Variants in CSRP3 observed in about 807,000 individuals in gnomAD.
CSRP3 encodes cysteine and glycine-rich protein 3.
CSRP3 carries 24 observed loss-of-function variants against 24.3 expected under a neutral mutation model. That is an observed-to-expected ratio of 0.99 (90% CI 0.71 to 1.39). CSRP3 has a LOEUF of 1.39. CSRP3 is among the 40% of genes most tolerant of loss of function. The probability of loss-of-function intolerance (pLI) is 0.00; values close to 1 mark genes in which losing one functional copy is unlikely to be tolerated. For missense variants in CSRP3, 240 were observed against 249.0 expected (o/e 0.96, Z 0.24); for synonymous variants, 105 against 94.0 (o/e 1.12, Z -0.68).
intron 1 of CSRP3, among the ~76,000 whole-genome samples, chr11:19,195,939 G>A (rs1850694748): frequency 6.6e-6 from 1 of 152,160 alleles, no homozygotes; most frequent in Admixed American, 6.5e-5. Flanking sequence ...AACAGAAGAT[G>A]TCTCACAGGC....
intron 1 of CSRP3, among the ~76,000 whole-genome samples, chr11:19,195,421 A>C (rs1850684995): frequency 6.6e-6 from 1 of 152,150 alleles, no homozygotes; most frequent in African/African-American, 2.4e-5. Context: ...AAGATGTTAC[A>C]TTTTCTAGAA....
intron 2 of CSRP3, among the ~76,000 whole-genome samples, chr11:19,190,703 C>T (rs553744044): frequency 2.1e-4 from 32 of 152,192 alleles, no homozygotes; most frequent in Non-Finnish European, 4.3e-4. Flanking sequence ...GACCCTGCGT[C>T]TCTGAACGCC....
chr11:19,191,741 G>A (rs939318268), intron 2 of CSRP3, among the ~76,000 whole-genome samples: 2 of 152,170 alleles, frequency 1.3e-5, no homozygotes, highest in Non-Finnish European at 2.9e-5. Flanking sequence ...AAGGTCTCAA[G>A]GTTCTCCCTA....
At chr11:19,197,363 T>G (rs1453927990) in intron 1 of CSRP3, among the ~76,000 whole-genome samples, 1 of 13,674 alleles carries the variant, frequency 7.3e-5, no homozygotes, top group African/African-American at 5.7e-4. Context: ...CCTCCCTCCC[T>G]CCCTCCCTCC....
chr11:19,195,110 C>G (rs1850677284), intron 1 of CSRP3, among the ~76,000 whole-genome samples: 1 of 151,826 alleles, frequency 6.6e-6, no homozygotes, highest in Admixed American at 6.6e-5. Flanking sequence ...AGATCACATT[C>G]AAATGGGGGT....
chr11:19,190,953 T>G (rs1178174906), intron 2 of CSRP3, among the ~76,000 whole-genome samples: 2 of 152,178 alleles, frequency 1.3e-5, no homozygotes, highest in Non-Finnish European at 2.9e-5. Context: ...TCCTCCTACC[T>G]GGGAAAGACA....
chr11:19,201,771 T>G (rs1850848157), intron 1 of CSRP3, among the ~76,000 whole-genome samples, 183 bp downstream of exon 1: 1 of 151,926 alleles, frequency 6.6e-6, no homozygotes, highest in Admixed American at 6.6e-5. Flanking sequence ...TTGCAGGAAT[T>G]TTTTAATACC....
chr11:19,194,925 T>C (rs1290006723), intron 1 of CSRP3, among the ~76,000 whole-genome samples: 1 of 152,100 alleles, frequency 6.6e-6, no homozygotes, highest in Non-Finnish European at 1.5e-5. Context: ...AATGAGTAGT[T>C]TGTGACCCCT....
chr11:19,200,308 C>T (rs564100425), intron 1 of CSRP3, among the ~76,000 whole-genome samples: 50 of 152,280 alleles, frequency 3.3e-4, no homozygotes, highest in South Asian at 1.5e-3. Flanking sequence ...ATAATTTGAA[C>T]GGGCTCTATA....
At chr11:19,197,672 A>C (rs1850764352) in intron 1 of CSRP3, among the ~76,000 whole-genome samples, 1 of 151,242 alleles carries the variant, frequency 6.6e-6, no homozygotes, top group South Asian at 2.1e-4. Context: ...TTAGGCCATG[A>C]CTTTGGGCAG....
At chr11:19,186,821 C>G (rs898221234) in intron 3 of CSRP3, among the ~76,000 whole-genome samples, 34 of 152,366 alleles carry the variant, frequency 2.2e-4, no homozygotes, top group African/African-American at 8.2e-4. Context: ...AGTCCATGAG[C>G]TGATGCATTC....
At chr11:19,183,741 T>A (rs1367994387) in intron 5 of CSRP3, among the ~76,000 whole-genome samples, 1 of 152,212 alleles carries the variant, frequency 6.6e-6, no homozygotes, top group African/African-American at 2.4e-5. Flanking sequence ...AGTGAGCTAG[T>A]TCCCATCCTG....
chr11:19,188,014 G>C, intron 3 of CSRP3, 122 bp downstream of exon 3: 20 of 1,148,696 alleles, frequency 1.7e-5, no homozygotes, highest in Non-Finnish European at 2.6e-5. Flanking sequence ...TATTCCTATT[G>C]TTGGCAAGTC....
In CSRP3 at chr11:19,198,406, C is replaced by T. The variant is rs115155564; in HGVS notation, c.-29+3548G>A. On this transcript the variant is annotated intron_variant, in intron 1 of 5. Coordinates refer to ENST00000265968, the MANE Select transcript of CSRP3 (RefSeq NM_003476.5). ...ACACAGAGGGTATTCAAGGGTGGGA[C>T]TAACAGGGAAACTGAATTCATTCAC... Among the ~76,000 whole-genome samples the T allele has an allele frequency of 4.8e-3, 725 of 152,298 alleles. 9 individuals are homozygous for T. Among genetic ancestry groups the T allele is most frequent in the African/African-American group, 0.016 (660 of 41,542 alleles).
At chr11:19,194,794 C>T (rs1423785412) in intron 1 of CSRP3, among the ~76,000 whole-genome samples, 1 of 152,160 alleles carries the variant, frequency 6.6e-6, no homozygotes, top group Admixed American at 6.5e-5. Context: ...AGTTGAAAGA[C>T]TTAGAATTAA....
At chr11:19,200,559 A>T (rs1311977429) in intron 1 of CSRP3, among the ~76,000 whole-genome samples, 2 of 151,466 alleles carry the variant, frequency 1.3e-5, no homozygotes, top group Non-Finnish European at 2.9e-5. Context: ...TTTCTGATGG[A>T]TGACACGTGT....
At chr11:19,188,558 A>G (rs1850567259) in intron 2 of CSRP3, among the ~76,000 whole-genome samples, 1 of 151,574 alleles carries the variant, frequency 6.6e-6, no homozygotes, top group South Asian at 2.1e-4. Context: ...CGAGATATAT[A>G]GTCTCAGACC....
Position 19,192,457 on chromosome 11 carries a change from CTATCTGG to C in CSRP3, c.-16_-10del. On this transcript the variant is annotated 5_prime_UTR_variant, in exon 2 of 6. Coordinates refer to ENST00000265968, the MANE Select transcript of CSRP3 (RefSeq NM_003476.5). ...CCGCCCCAGTTTGGCATCTTGAAGA[CTATCTGG>C]TCAAGGTCAAGTCTAAGGGGACATA... 1 of 1,610,880 alleles carries C rather than the reference CTATCTGG, an allele frequency of 6.2e-7. No individual in the cohort carries two copies. The highest frequency in any genetic ancestry group is 8.5e-7 in the Non-Finnish European group (1 of 1,177,002).
chr11:19,182,043 A>T lies in CSRP3; in HGVS notation c.*627T>A, dbSNP rs1030596127. The T allele has an allele frequency of 6.5e-6, 1 of 152,782 alleles. No individual in the cohort carries two copies. Among genetic ancestry groups the T allele is most frequent in the African/African-American group, 2.4e-5 (1 of 41,472 alleles). 9.5% of individuals were successfully genotyped at this position (152,782 alleles called of 1,614,324 possible). On this transcript the variant is annotated 3_prime_UTR_variant, in exon 6 of 6. Transcript: ENST00000265968. ...ATCATCCTCATGTCATTTATAATACAGAGGCAAATGCCACGCTTTATTGTC... is the reference window on the plus strand; with the variant it reads ...ATCATCCTCATGTCATTTATAATACTGAGGCAAATGCCACGCTTTATTGTC...
Sources: gnomAD v4.1 joint callset for allele counts (sites outside exome capture counted in the v4.1 genomes callset) on GRCh38, gnomAD v4.1.1 for gene constraint, MANE v1.5 for transcripts, NCBI Gene and HGNC (gene_info 2026-07-23, HGNC 2026-07-21) for gene names.